The following PCNX2 variants were observed in gnomAD, a reference collection of about 807,000 sequenced individuals.
PCNX2 encodes the protein pecanex 2, also known as pecanex-like protein 2.
Under a neutral mutation model 223.8 loss-of-function variants are expected in PCNX2, and 168 were observed. That is an observed-to-expected ratio of 0.75 (90% CI 0.66 to 0.85). The LOEUF is 0.85. Ranked by LOEUF, PCNX2 falls within the 40% of genes least tolerant of loss-of-function variation. PCNX2 has a pLI of 0.00. For synonymous variants in PCNX2, 1,006 were observed against 1,052.6 expected, an observed-to-expected ratio of 0.96 and a Z score of 0.86; for missense variants, 2,507 against 2,675.5, an observed-to-expected ratio of 0.94 and a Z score of 1.39.
intron 21 of PCNX2, among the ~76,000 whole-genome samples, chr1:233,125,431 C>A (rs1243847978): frequency 2.0e-5 from 3 of 152,134 alleles, no homozygotes; most frequent in Non-Finnish European, 4.4e-5. Flanking sequence ...AGTCCAATCC[C>A]GGCGGTCTAT....
intron 1 of PCNX2, among the ~76,000 whole-genome samples, chr1:233,270,892 A>G (rs1016931034): frequency 6.6e-6 from 1 of 152,250 alleles, no homozygotes; most frequent in Non-Finnish European, 1.5e-5. Context: ...CCATATCAGC[A>G]GAGTCATTAA....
chr1:233,310,323 A>G, the PCNX2 span, among the ~76,000 whole-genome samples: 2 of 152,218 alleles, frequency 1.3e-5, no homozygotes, highest in African/African-American at 4.8e-5. Flanking sequence ...CTTATGGAAA[A>G]CTGATAGTAT....
chr1:233,271,956 G>T (rs1660660501), intron 1 of PCNX2, among the ~76,000 whole-genome samples: 1 of 152,042 alleles, frequency 6.6e-6, no homozygotes, highest in Non-Finnish European at 1.5e-5. Flanking sequence ...TGGCTATGCG[G>T]GCTCCTTGGT....
intron 26 of PCNX2, chr1:233,018,672 G>T: frequency 1.4e-6 from 1 of 740,568 alleles, no homozygotes; most frequent in Non-Finnish European, 1.6e-6. Context: ...GTCCCTGCCA[G>T]CGTGCACCGC....
At chr1:233,245,689 C>T (rs1398600952) in intron 8 of PCNX2, among the ~76,000 whole-genome samples, 2 of 152,120 alleles carry the variant, frequency 1.3e-5, no homozygotes, top group African/African-American at 2.4e-5. Context: ...CCAAGGCAGG[C>T]GGATCACGAG....
At chr1:233,318,794 C>T in the PCNX2 span, among the ~76,000 whole-genome samples, 4 of 151,968 alleles carry the variant, frequency 2.6e-5, no homozygotes, top group South Asian at 6.2e-4. Context: ...CTCAAACTCC[C>T]GACCTGAAGT....
intron 19 of PCNX2, among the ~76,000 whole-genome samples, chr1:233,159,157 C>A (rs1008791171): frequency 6.6e-6 from 1 of 152,128 alleles, no homozygotes; most frequent in African/African-American, 2.4e-5. Context: ...CCTCCCTGCA[C>A]TTCTAAACCC....
At chr1:233,148,061 G>GA (rs1292241177) in intron 19 of PCNX2, among the ~76,000 whole-genome samples, 2 of 152,160 alleles carry the variant, frequency 1.3e-5, no homozygotes, top group African/African-American at 4.8e-5. Flanking sequence ...TACTTCAAAG[G>GA]AATGAAAGTG....
intron 15 of PCNX2, among the ~76,000 whole-genome samples, chr1:233,183,756 C>T (rs959464912): frequency 2.0e-5 from 3 of 152,156 alleles, no homozygotes; most frequent in African/African-American, 7.2e-5. Flanking sequence ...TCAAGTATGA[C>T]AGATGAGGGG....
chr1:233,026,987 A>G (rs1174905130), intron 25 of PCNX2, among the ~76,000 whole-genome samples: 1 of 152,202 alleles, frequency 6.6e-6, no homozygotes, highest in African/African-American at 2.4e-5. Flanking sequence ...TGCTAATAAG[A>G]GAGTGTACAG....
At chr1:232,994,787 T>C (rs1339327542) in intron 32 of PCNX2, among the ~76,000 whole-genome samples, 1 of 152,156 alleles carries the variant, frequency 6.6e-6, no homozygotes. Flanking sequence ...CTGGTGGTTT[T>C]AAAGTGTGGC....
intron 25 of PCNX2, among the ~76,000 whole-genome samples, chr1:233,037,662 G>T (rs757282566): frequency 1.6e-4 from 25 of 152,180 alleles, no homozygotes; most frequent in Non-Finnish European, 3.4e-4. Flanking sequence ...GAACCTAGAA[G>T]TGTATTGGCC....
intron 8 of PCNX2, among the ~76,000 whole-genome samples, chr1:233,249,743 C>T (rs113912175): frequency 2.0e-5 from 3 of 152,310 alleles, no homozygotes; most frequent in South Asian, 2.1e-4. Context: ...CCATCACCTA[C>T]GGTTCCCATC....
chr1:233,146,880 T>G (rs1344184306), intron 19 of PCNX2, among the ~76,000 whole-genome samples: 1 of 152,130 alleles, frequency 6.6e-6, no homozygotes, highest in Non-Finnish European at 1.5e-5. Flanking sequence ...TTGATTTGAG[T>G]GGAGGGACAT....
At chr1:233,117,864 G>C (rs1182247112) in intron 21 of PCNX2, among the ~76,000 whole-genome samples, 2 of 150,664 alleles carry the variant, frequency 1.3e-5, no homozygotes, top group East Asian at 4.0e-4. Context: ...CAAAAAATTA[G>C]CCGGGCGTAG....
intron 25 of PCNX2, among the ~76,000 whole-genome samples, chr1:233,038,983 A>G (rs528480927): frequency 4.6e-5 from 7 of 152,282 alleles, no homozygotes; most frequent in East Asian, 1.9e-4. Context: ...TTTGCTTTCA[A>G]TGTTCATTCT....
chr1:233,137,816 C>G (rs1347158001), intron 20 of PCNX2, among the ~76,000 whole-genome samples: 1 of 152,160 alleles, frequency 6.6e-6, no homozygotes, highest in Non-Finnish European at 1.5e-5. Flanking sequence ...TTCACCGACT[C>G]ATTAATTTAC....
Position 233,146,124 on chromosome 1 carries a change from G to C in PCNX2, c.3518-6269C>G, listed in dbSNP as rs553069343. The stretch of plus-strand genomic sequence containing the variant: ...TTATTACTTCTAGCTTCAACGCAAA[G>C]AATGTTATTCCTTCACGCCATCACT... On this transcript the variant is annotated intron_variant, in intron 19 of 33. Transcript: ENST00000258229. Among the ~76,000 whole-genome samples, 24 of 152,286 alleles carry C rather than the reference G, an allele frequency of 1.6e-4. No individual in the cohort carries two copies. In the South Asian group the frequency reaches 4.4e-3, roughly 28 times the overall value.
intron 19 of PCNX2, among the ~76,000 whole-genome samples, chr1:233,153,405 T>C (rs1403891565): frequency 6.6e-6 from 1 of 152,144 alleles, no homozygotes; most frequent in African/African-American, 2.4e-5. Flanking sequence ...AGAAATATAC[T>C]ACATAGCTAT....
Sources: gnomAD v4.1 joint callset for allele counts (sites outside exome capture counted in the v4.1 genomes callset) on GRCh38, gnomAD v4.1.1 for gene constraint, MANE v1.5 for transcripts, NCBI Gene and HGNC (gene_info 2026-07-23, HGNC 2026-07-21) for gene names.